The following PPM1E variants were observed in gnomAD, a reference collection of about 807,000 sequenced individuals.
The protein encoded by PPM1E is protein phosphatase, Mg2+/Mn2+ dependent 1E, also known as protein phosphatase 1E.
PPM1E carries 20 observed loss-of-function variants against 65.9 expected under a neutral mutation model. The observed-to-expected ratio is 0.30, with a 90% CI of 0.21 to 0.44. The LOEUF (loss-of-function observed/expected upper bound fraction) is 0.44. Among genes scored for constraint, PPM1E ranks in the 20% least tolerant of loss-of-function variants. The pLI, the probability that PPM1E is intolerant of heterozygous loss-of-function variation, is 1.00. For synonymous variants in PPM1E, 352 were observed against 374.9 expected (o/e 0.94, Z 0.70); for missense variants, 713 against 953.1 (o/e 0.75, Z 3.32).
chr17:58,906,442 G>C (rs2051558974), intron 1 of PPM1E, among the ~76,000 whole-genome samples: 1 of 152,128 alleles, frequency 6.6e-6, no homozygotes, highest in African/African-American at 2.4e-5. Context: ...AGGCTCAAGT[G>C]ATCCTCCCAC....
Position 58,972,843 on chromosome 17 carries a change from G to C in PPM1E, c.1128G>C (p.Gln376His). 6.2e-7 allele frequency: 1 copy of C among 1,612,860 alleles called. No homozygotes were observed. Among genetic ancestry groups the C allele is most frequent in the Non-Finnish European group, 8.5e-7 (1 of 1,178,988 alleles). ...PHKPDREDEK[Q>H]RIEALGGCVV... Reference sequence around the variant, plus strand: ...GCATTGCTGTTTAGGATGAAAAGCAGAGAATTGAGGCCCTTGGAGGTTGCG... The same window carrying C: ...GCATTGCTGTTTAGGATGAAAAGCACAGAATTGAGGCCCTTGGAGGTTGCG... The change falls in exon 6 of 7, where the codon CAG becomes CAC. Residue 376 changes from glutamine (Q) to histidine (H), a missense_variant. Gln to His is a conservative substitution (Grantham distance 24, BLOSUM62 0). Coordinates refer to ENST00000308249, the MANE Select transcript of PPM1E (RefSeq NM_014906.5).
chr17:58,835,455 A>C (rs2050646139), intron 1 of PPM1E, among the ~76,000 whole-genome samples: 1 of 152,086 alleles, frequency 6.6e-6, no homozygotes, highest in Non-Finnish European at 1.5e-5. Context: ...GTGTTATTGT[A>C]AATGTTCTGG....
intron 1 of PPM1E, among the ~76,000 whole-genome samples, chr17:58,794,443 A>G (rs754388225): frequency 1.3e-5 from 2 of 152,064 alleles, no homozygotes; most frequent in Non-Finnish European, 2.9e-5. Context: ...TCAGGGGTAC[A>G]TGTGCAAGTT....
Position 58,982,200 on chromosome 17 carries a change from G to A in PPM1E, c.*1169G>A, listed in dbSNP as rs2031395625. On this transcript the variant is annotated 3_prime_UTR_variant, in exon 7 of 7. Coordinates refer to ENST00000308249, the MANE Select transcript of PPM1E (RefSeq NM_014906.5). ...TCCTGCTTACATGTAGCTTCAGACT[G>A]CAGAGACAGGACGTGTGCTTTTCAT... The A allele has an allele frequency of 6.6e-6, 1 of 152,650 alleles. No homozygotes were observed. Among genetic ancestry groups the A allele is most frequent in the Admixed American group, 6.5e-5 (1 of 15,284 alleles). The allele number at this position is 152,650 out of a possible 1,614,324, so 9.5% of individuals were successfully genotyped here.
chr17:58,761,280 C>G (rs2049818366), intron 1 of PPM1E, among the ~76,000 whole-genome samples: 1 of 152,154 alleles, frequency 6.6e-6, no homozygotes, highest in African/African-American at 2.4e-5. Flanking sequence ...AGTAAGAATA[C>G]TCATATTACT....
chr17:58,776,028 A>AAAAT (rs1209265970), intron 1 of PPM1E, among the ~76,000 whole-genome samples: 3 of 151,848 alleles, frequency 2.0e-5, no homozygotes, highest in South Asian at 2.1e-4. Context: ...ATTTAACTTA[A>AAAAT]AAATAAATAA....
chr17:58,967,258 T>C (rs1169377472), intron 3 of PPM1E, among the ~76,000 whole-genome samples: 1 of 152,200 alleles, frequency 6.6e-6, no homozygotes, highest in Non-Finnish European at 1.5e-5. Flanking sequence ...AGAAAAGTCT[T>C]AGGCATGTGT....
intron 1 of PPM1E, among the ~76,000 whole-genome samples, chr17:58,952,498 T>TGTGA (rs1432847193): frequency 6.6e-6 from 1 of 152,120 alleles, no homozygotes; most frequent in Non-Finnish European, 1.5e-5. Context: ...GGAATGGGCC[T>TGTGA]GTGAGGCTGT....
At chr17:58,912,965 T>C (rs961918528) in intron 1 of PPM1E, among the ~76,000 whole-genome samples, 1 of 152,206 alleles carries the variant, frequency 6.6e-6, no homozygotes, top group Non-Finnish European at 1.5e-5. Flanking sequence ...CAGAAGCTCC[T>C]GTGCTTGGGA....
chr17:58,798,230 G>GGT (rs1555610595), intron 1 of PPM1E, among the ~76,000 whole-genome samples: 6 of 130,042 alleles, frequency 4.6e-5, no homozygotes, highest in African/African-American at 1.7e-4. Flanking sequence ...TTTTTTGTTT[G>GGT]TTTTTTTTTT....
intron 1 of PPM1E, among the ~76,000 whole-genome samples, chr17:58,836,220 A>T (rs774820028): frequency 3.3e-5 from 5 of 152,108 alleles, no homozygotes; most frequent in Non-Finnish European, 7.4e-5. Context: ...AAGTGACAAG[A>T]CTACTAACTT....
At chr17:58,965,541 C>T (rs1053036274) in intron 2 of PPM1E, among the ~76,000 whole-genome samples, 153 bp from the exon 3 acceptor site, 5 of 152,166 alleles carry the variant, frequency 3.3e-5, no homozygotes, top group African/African-American at 1.2e-4. Context: ...TTTCTCTCTT[C>T]AGAAGCAGCA....
At chr17:58,898,438 G>T (rs1194075386) in intron 1 of PPM1E, among the ~76,000 whole-genome samples, 11 of 152,100 alleles carry the variant, frequency 7.2e-5, no homozygotes. Flanking sequence ...TCAGAGAAAT[G>T]CAAATCAAAA....
At chr17:58,922,920 T>C (rs1266331470) in intron 1 of PPM1E, among the ~76,000 whole-genome samples, 1 of 151,936 alleles carries the variant, frequency 6.6e-6, no homozygotes, top group Non-Finnish European at 1.5e-5. Flanking sequence ...CCTGACCTAG[T>C]GATTGAAGTA....
intron 1 of PPM1E, among the ~76,000 whole-genome samples, chr17:58,865,241 G>T (rs577181670): frequency 1.4e-4 from 22 of 151,814 alleles, no homozygotes; most frequent in African/African-American, 5.3e-4. Flanking sequence ...ACAAAAATTA[G>T]CTGGGCGTGG....
chr17:58,845,490 C>A (rs2050762240), intron 1 of PPM1E, among the ~76,000 whole-genome samples: 1 of 152,006 alleles, frequency 6.6e-6, no homozygotes, highest in African/African-American at 2.4e-5. Flanking sequence ...TAAACAGTAA[C>A]TTCTCATTCC....
At chr17:58,832,682 A>G (rs943741389) in intron 1 of PPM1E, among the ~76,000 whole-genome samples, 6 of 152,130 alleles carry the variant, frequency 3.9e-5, no homozygotes, top group African/African-American at 1.4e-4. Flanking sequence ...GTTCAGATGT[A>G]CTCTTCACCC....
In PPM1E at chr17:58,822,365, T is replaced by C. The variant is rs142775968; in HGVS notation, c.464+65904T>C. On this transcript the variant is annotated intron_variant, in intron 1 of 6. Coordinates refer to ENST00000308249, the MANE Select transcript of PPM1E (RefSeq NM_014906.5). ...TTATTTATTTATTTATTTATTTATT[T>C]ATTTATTTATTTTTTGACGAGTCCC... 5.8e-3 allele frequency among the ~76,000 whole-genome samples: 872 copies of C among 150,200 alleles called. 12 individuals carry two copies. The highest frequency in any genetic ancestry group is 0.018 in the African/African-American group (748 of 41,224).
chr17:58,916,381 T>G (rs1665534185), intron 1 of PPM1E, among the ~76,000 whole-genome samples: 1 of 152,232 alleles, frequency 6.6e-6, no homozygotes, highest in South Asian at 2.1e-4. Context: ...ATTTAATTAA[T>G]TCTTGTACAT....
Sources: allele counts gnomAD v4.1 joint callset (sites outside exome capture counted in the v4.1 genomes callset), GRCh38; gene constraint gnomAD v4.1.1; transcripts MANE v1.5; gene names NCBI Gene and HGNC (gene_info 2026-07-23, HGNC 2026-07-21).